The following RBFOX1 variants were observed in gnomAD, a reference collection of about 807,000 sequenced individuals.
RBFOX1 encodes RNA binding protein fox-1 homolog 1.
Under a neutral mutation model 57.7 loss-of-function variants are expected in RBFOX1, and 8 were observed. The observed-to-expected ratio is 0.14, with a 90% CI of 0.08 to 0.25. The LOEUF (loss-of-function observed/expected upper bound fraction) is 0.25. RBFOX1 is among the 10% of genes least tolerant of loss of function. The probability of loss-of-function intolerance (pLI) is 1.00; values close to 1 mark genes in which losing one functional copy is unlikely to be tolerated. For synonymous variants in RBFOX1, 326 were observed against 222.4 expected (o/e 1.47, Z -4.15); for missense variants, 611 against 548.5 (o/e 1.11, Z -1.14).
chr16:7,267,797 A>T (rs1220314005), intron 4 of RBFOX1, among the ~76,000 whole-genome samples: 1 of 152,168 alleles, frequency 6.6e-6, no homozygotes, highest in Non-Finnish European at 1.5e-5. Flanking sequence ...CGGAGGCTGC[A>T]GTGACCTGAG....
At chr16:5,371,123 T>G (rs564211981) in intron 1 of RBFOX1, among the ~76,000 whole-genome samples, 35 of 152,228 alleles carry the variant, frequency 2.3e-4, no homozygotes, top group African/African-American at 7.9e-4. Flanking sequence ...AATTTTTGTA[T>G]TTTTAGTAGA....
intron 3 of RBFOX1, among the ~76,000 whole-genome samples, chr16:6,943,624 C>T (rs533088072): frequency 2.9e-4 from 44 of 150,856 alleles, no homozygotes; most frequent in South Asian, 6.3e-4. Flanking sequence ...AGGAGAATGG[C>T]GTGAACCCGG....
chr16:6,533,906 T>C (rs2096698154), intron 2 of RBFOX1, among the ~76,000 whole-genome samples: 2 of 151,984 alleles, frequency 1.3e-5, no homozygotes, highest in South Asian at 2.1e-4. Flanking sequence ...CTTTGTCCCA[T>C]AAAAAGACAT....
In RBFOX1 at chr16:7,224,501, C is replaced by T. The variant is rs546301278; in HGVS notation, c.27+172403C>T. On this transcript the variant is annotated intron_variant, in intron 4 of 15. Coordinates refer to ENST00000550418, the MANE Select transcript of RBFOX1 (RefSeq NM_018723.4). Reference sequence around the variant, plus strand: ...TGATCGAGCTATAAAAATACTGCTACCTGGGACCTGCCCCTCAGTGCCTCT... The same window carrying T: ...TGATCGAGCTATAAAAATACTGCTATCTGGGACCTGCCCCTCAGTGCCTCT... Among the ~76,000 whole-genome samples, 8 of 151,430 alleles carry T rather than the reference C, an allele frequency of 5.3e-5. No homozygotes were observed. The South Asian group carries it at 1.5e-3, about 28-fold the overall frequency.
chr16:6,204,212 A>G (rs565927899), intron 1 of RBFOX1, among the ~76,000 whole-genome samples: 232 of 152,064 alleles, frequency 1.5e-3, no homozygotes, highest in Middle Eastern at 3.4e-3. Flanking sequence ...CAAATTCTTC[A>G]CAAGGAGAGT....
At chr16:6,112,192 T>C (rs1451700154) in intron 1 of RBFOX1, among the ~76,000 whole-genome samples, 2 of 152,144 alleles carry the variant, frequency 1.3e-5, no homozygotes, top group Non-Finnish European at 2.9e-5. Flanking sequence ...ATACATTCTG[T>C]GGACTTTAAG....
rs140122022 is a variant in RBFOX1, at chr16:6,780,999, G to A, written c.-16+126349G>A. On this transcript the variant is annotated intron_variant, in intron 3 of 15. Transcript: ENST00000550418. ...CTGTGCAGACACTTTTTAGCTTGATGTGATCCCATTTGACCATTTTTGCTT... is the reference window on the plus strand; with the variant it reads ...CTGTGCAGACACTTTTTAGCTTGATATGATCCCATTTGACCATTTTTGCTT... Among the ~76,000 whole-genome samples, 1,449 of 152,154 alleles carry A rather than the reference G, an allele frequency of 9.5e-3. 28 individuals are homozygous for A. Among genetic ancestry groups the A allele is most frequent in the African/African-American group, 0.033 (1,370 of 41,506 alleles).
At chr16:7,508,906 T>C (rs1410003027) in intron 4 of RBFOX1, among the ~76,000 whole-genome samples, 5 of 152,214 alleles carry the variant, frequency 3.3e-5, no homozygotes, top group Non-Finnish European at 5.9e-5. Context: ...CAGCTATCTG[T>C]AGGAACGGTG....
At chr16:5,595,570 C>T (rs1002220668) in intron 2 of RBFOX1, among the ~76,000 whole-genome samples, 13 of 152,250 alleles carry the variant, frequency 8.5e-5, no homozygotes, top group African/African-American at 2.4e-4. Context: ...CTTCTCTGTA[C>T]GCCTCAAGAA....
intron 4 of RBFOX1, among the ~76,000 whole-genome samples, chr16:7,385,856 C>G (rs151277175): frequency 0.016 from 2,448 of 152,170 alleles, 74 homozygotes; most frequent in African/African-American, 0.056. Context: ...TGGGTTCAAG[C>G]AGTTTTTCTG....
chr16:5,445,085 C>G (rs1366674868), intron 1 of RBFOX1, among the ~76,000 whole-genome samples: 2 of 152,130 alleles, frequency 1.3e-5, no homozygotes, highest in Admixed American at 6.5e-5. Flanking sequence ...CTCTGGGTTA[C>G]TCTGGCAGGT....
At chr16:5,626,761 G>A (rs143888512) in intron 3 of RBFOX1, among the ~76,000 whole-genome samples, 2 of 151,896 alleles carry the variant, frequency 1.3e-5, no homozygotes, top group African/African-American at 4.8e-5. Flanking sequence ...GGGACTGAAG[G>A]TTCAACCAGG....
At chr16:7,574,411 C>T (rs1319456818) in intron 5 of RBFOX1, among the ~76,000 whole-genome samples, 3 of 152,186 alleles carry the variant, frequency 2.0e-5, no homozygotes, top group Non-Finnish European at 4.4e-5. Flanking sequence ...AATAGGCCCT[C>T]TGTAAGCTGA....
chr16:7,450,639 C>G (rs1024264686), intron 4 of RBFOX1, among the ~76,000 whole-genome samples: 5 of 152,022 alleles, frequency 3.3e-5, no homozygotes, highest in African/African-American at 1.2e-4. Flanking sequence ...GACCTCTCCC[C>G]TTTTTCACTT....
chr16:5,266,054 A>C (rs1160767624), intron 1 of RBFOX1, among the ~76,000 whole-genome samples: 1 of 150,288 alleles, frequency 6.7e-6, no homozygotes, highest in South Asian at 2.1e-4. Flanking sequence ...TAAAAAAAAA[A>C]CTCTGGATTT....
intron 1 of RBFOX1, among the ~76,000 whole-genome samples, chr16:6,309,795 C>G (rs1256837015): frequency 6.6e-6 from 1 of 152,088 alleles, no homozygotes; most frequent in East Asian, 1.9e-4. Context: ...GTTGAATGGG[C>G]AAATGCAGCC....
At chr16:7,571,055 G>T (rs1292915443) in intron 5 of RBFOX1, among the ~76,000 whole-genome samples, 1 of 152,108 alleles carries the variant, frequency 6.6e-6, no homozygotes, top group East Asian at 1.9e-4. Context: ...ACACAGGGAG[G>T]GGAACAACAC....
intron 1 of RBFOX1, among the ~76,000 whole-genome samples, chr16:6,116,935 A>T (rs543650411): frequency 1.3e-5 from 2 of 152,320 alleles, no homozygotes; most frequent in African/African-American, 4.8e-5. Context: ...TGGAGGCTCT[A>T]CAGTAAAGGT....
rs189572234 is a variant in RBFOX1, at chr16:5,372,764, A to T, written c.220-94452A>T. Reference sequence around the variant, plus strand: ...ATAAACTGTTATTAGTTTGATTGCAAATAAGGAGATTGGTAAATGAGAACA... The same window carrying T: ...ATAAACTGTTATTAGTTTGATTGCATATAAGGAGATTGGTAAATGAGAACA... On this transcript the variant is annotated intron_variant, in intron 1 of 2. Transcript: ENST00000585867. Among the ~76,000 whole-genome samples the T allele has an allele frequency of 6.3e-3, 961 of 152,350 alleles. 11 individuals carry two copies. The highest frequency in any genetic ancestry group is 0.029 in the Admixed American group (443 of 15,304).
Sources: gnomAD v4.1 joint callset for allele counts (sites outside exome capture counted in the v4.1 genomes callset) on GRCh38, gnomAD v4.1.1 for gene constraint, MANE v1.5 for transcripts, NCBI Gene and HGNC (gene_info 2026-07-23, HGNC 2026-07-21) for gene names.